Variants in CMC1 observed in about 807,000 individuals in gnomAD.
CMC1 encodes the protein C-X9-C motif containing 1, also known as COX assembly mitochondrial protein homolog.
CMC1 carries 14 observed loss-of-function variants against 14.1 expected under a neutral mutation model. The observed-to-expected ratio is 0.99, with a 90% CI of 0.66 to 1.55. The LOEUF is 1.55. Among genes scored for constraint, CMC1 ranks in the 40% most tolerant of loss-of-function variants. The pLI is 0.00. For missense variants in CMC1, 127 were observed against 123.8 expected (o/e 1.03, Z -0.12); for synonymous variants, 50 against 38.4 (o/e 1.30, Z -1.12).
At chr3:28,280,361 A>G (rs1296112418) in intron 2 of CMC1, among the ~76,000 whole-genome samples, 1 of 152,146 alleles carries the variant, frequency 6.6e-6, no homozygotes, top group Non-Finnish European at 1.5e-5. Context: ...TGTTTCATTG[A>G]ATGGTATATA....
intron 1 of CMC1, among the ~76,000 whole-genome samples, chr3:28,262,858 C>A (rs1412949382): frequency 6.6e-6 from 1 of 151,962 alleles, no homozygotes; most frequent in Non-Finnish European, 1.5e-5. Flanking sequence ...TCTGTTAGTT[C>A]TTTTTTAGGC....
At chr3:28,292,341 A>G (rs907800876) in intron 2 of CMC1, among the ~76,000 whole-genome samples, 3 of 152,148 alleles carry the variant, frequency 2.0e-5, no homozygotes, top group Non-Finnish European at 4.4e-5. Context: ...ACTGTCTTCA[A>G]TATCTTTTCA....
At chr3:28,279,729 A>T (rs4325887) in intron 2 of CMC1, among the ~76,000 whole-genome samples, 1 of 152,104 alleles carries the variant, frequency 6.6e-6, no homozygotes, top group Non-Finnish European at 1.5e-5. Context: ...TAGATCAAGG[A>T]AATACCTAAA....
chr3:28,290,684 T>C (rs983682123), intron 2 of CMC1, among the ~76,000 whole-genome samples: 4 of 152,186 alleles, frequency 2.6e-5, no homozygotes, highest in Non-Finnish European at 4.4e-5. Context: ...TCTTAAATTA[T>C]AATTGAAAAT....
At chr3:28,310,925 A>G (rs573093773) in intron 2 of CMC1, among the ~76,000 whole-genome samples, 6 of 151,948 alleles carry the variant, frequency 3.9e-5, no homozygotes, top group African/African-American at 1.2e-4. Flanking sequence ...TTGTGCTCCT[A>G]TGAGAATCTA....
In CMC1 at chr3:28,321,394, A is replaced by C. The variant is rs1482922192; in HGVS notation, c.*1765A>C. On this transcript the variant is annotated 3_prime_UTR_variant, in exon 4 of 4. Coordinates refer to ENST00000466830, the MANE Select transcript of CMC1 (RefSeq NM_182523.2). ...TCATGTAGAAAATTCACTTATGTAC[A>C]TGTTGCTTTCCCCATAGAAGCCAGA... 1 of 151,448 alleles carries C rather than the reference A, an allele frequency of 6.6e-6. No individual in the cohort carries two copies. Among genetic ancestry groups the C allele is most frequent in the Non-Finnish European group, 1.5e-5 (1 of 67,572 alleles). 9.4% of individuals were successfully genotyped at this position (151,448 alleles called of 1,614,324 possible).
chr3:28,302,454 T>C (rs1353234338), intron 2 of CMC1, among the ~76,000 whole-genome samples: 1 of 152,164 alleles, frequency 6.6e-6, no homozygotes, highest in Non-Finnish European at 1.5e-5. Flanking sequence ...TGGGGAGACT[T>C]AGGGAATCTT....
At chr3:28,266,969 T>A (rs949889627) in intron 2 of CMC1, among the ~76,000 whole-genome samples, 14 of 152,086 alleles carry the variant, frequency 9.2e-5, no homozygotes, top group Non-Finnish European at 1.5e-4. Flanking sequence ...CTTTCTTACT[T>A]CCTCCCACTT....
intron 2 of CMC1, among the ~76,000 whole-genome samples, chr3:28,292,210 C>T (rs780265369): frequency 2.6e-5 from 4 of 151,998 alleles, no homozygotes; most frequent in Non-Finnish European, 4.4e-5. Context: ...TAGTATAATA[C>T]TATCACCCTT....
chr3:28,247,501 TG>T (rs1309959939), intron 1 of CMC1, among the ~76,000 whole-genome samples: 1 of 152,108 alleles, frequency 6.6e-6, no homozygotes, highest in African/African-American at 2.4e-5. Context: ...CATTGGTTAC[TG>T]TAGTAGTTGG....
At chr3:28,269,740 ATTT>A (rs1700190409) in intron 2 of CMC1, among the ~76,000 whole-genome samples, 1 of 152,044 alleles carries the variant, frequency 6.6e-6, no homozygotes, top group Middle Eastern at 3.2e-3. Context: ...TAATGTTTGT[ATTT>A]TTAGTAGAGA....
chr3:28,295,225 G>A (rs1214890898), intron 2 of CMC1, among the ~76,000 whole-genome samples: 1 of 152,086 alleles, frequency 6.6e-6, no homozygotes, highest in Non-Finnish European at 1.5e-5. Context: ...TCCCACAAGA[G>A]TAACTTAGGT....
intron 2 of CMC1, among the ~76,000 whole-genome samples, chr3:28,264,095 G>A (rs1229578350): frequency 1.3e-5 from 2 of 152,122 alleles, no homozygotes; most frequent in Non-Finnish European, 2.9e-5. Context: ...TATTACTTTA[G>A]AAATATCTTT....
intron 2 of CMC1, among the ~76,000 whole-genome samples, chr3:28,305,096 A>C (rs1282817071): frequency 6.6e-6 from 1 of 151,914 alleles, no homozygotes; most frequent in African/African-American, 2.4e-5. Context: ...CTTCCCTCCC[A>C]TTTTGGACTC....
chr3:28,307,082 A>G (rs932998864), intron 2 of CMC1, among the ~76,000 whole-genome samples: 1 of 152,216 alleles, frequency 6.6e-6, no homozygotes, highest in Admixed American at 6.5e-5. Flanking sequence ...CACCTTTTAA[A>G]TATATCTGTC....
Position 28,254,000 on chromosome 3 carries a change from C to G in CMC1, c.20-9291C>G, listed in dbSNP as rs575770711. On this transcript the variant is annotated intron_variant, in intron 1 of 3. Coordinates refer to ENST00000466830, the MANE Select transcript of CMC1 (RefSeq NM_182523.2). ...CTAGCACTGCCATATTGCAAGAACA[C>G]ATGAGCCCCAAAGCAAAATATGAGC... 1.6e-4 allele frequency among the ~76,000 whole-genome samples: 24 copies of G among 152,262 alleles called. No homozygotes were observed. In the East Asian group the frequency reaches 4.4e-3, roughly 28 times the overall value.
chr3:28,309,505 A>G (rs1041200882), intron 2 of CMC1, among the ~76,000 whole-genome samples: 6 of 152,018 alleles, frequency 3.9e-5, no homozygotes, highest in African/African-American at 9.7e-5. Context: ...ATAAATAACT[A>G]TATTCCAAGT....
rs933851891 is a variant in CMC1, at chr3:28,269,308, T to G, written c.109+5928T>G. On this transcript the variant is annotated intron_variant, in intron 2 of 3. Transcript: ENST00000466830. Reference sequence around the variant, plus strand: ...ATGCTCATTATCAGACTCAATAGCTTATTATGATTATCTTGTTTCTGAAAA... The same window carrying G: ...ATGCTCATTATCAGACTCAATAGCTGATTATGATTATCTTGTTTCTGAAAA... 1.7e-4 allele frequency among the ~76,000 whole-genome samples: 26 copies of G among 152,202 alleles called. 1 individual carries two copies. Among genetic ancestry groups the G allele is most frequent in the Non-Finnish European group, 2.9e-5 (2 of 68,026 alleles).
At chr3:28,249,426 A>G (rs1699011297) in intron 1 of CMC1, among the ~76,000 whole-genome samples, 1 of 152,238 alleles carries the variant, frequency 6.6e-6, no homozygotes, top group Admixed American at 6.5e-5. Context: ...TAAACAGTTA[A>G]AACAATTTTA....
Sources: allele counts gnomAD v4.1 joint callset (sites outside exome capture counted in the v4.1 genomes callset), GRCh38; gene constraint gnomAD v4.1.1; transcripts MANE v1.5; gene names NCBI Gene and HGNC (gene_info 2026-07-23, HGNC 2026-07-21).